The following SLC20A2 variants were observed in gnomAD, a reference collection of about 807,000 sequenced individuals.
SLC20A2 encodes sodium-dependent phosphate transporter 2.
In SLC20A2, 30 loss-of-function variants were observed where a neutral mutation model predicts 61.0. The ratio of observed to expected loss-of-function variants is 0.49; its 90% CI spans 0.37 to 0.67. SLC20A2 has a LOEUF of 0.67. Ranked by LOEUF, SLC20A2 falls within the 30% of genes least tolerant of loss-of-function variation. The pLI is 0.00. For synonymous variants in SLC20A2, 351 were observed against 353.3 expected, an observed-to-expected ratio of 0.99 and a Z score of 0.07; for missense variants, 626 against 866.4, an observed-to-expected ratio of 0.72 and a Z score of 3.48.
intron 1 of SLC20A2, among the ~76,000 whole-genome samples, chr8:42,536,815 T>C (rs902242104): frequency 4.6e-5 from 7 of 152,174 alleles, no homozygotes; most frequent in South Asian, 2.1e-4. Context: ...GGTTCACACC[T>C]GTAATCACAG....
intron 4 of SLC20A2, among the ~76,000 whole-genome samples, chr8:42,460,546 CT>C (rs1271805362): frequency 6.6e-6 from 1 of 152,206 alleles, no homozygotes; most frequent in Non-Finnish European, 1.5e-5. Context: ...ATTTCCGAAT[CT>C]TTTCCCAAGG....
chr8:42,465,925 T>C lies in SLC20A2; in HGVS notation c.290-8A>G. 5 of 1,605,134 alleles carry C rather than the reference T, an allele frequency of 3.1e-6. No homozygotes were observed. The highest frequency in any genetic ancestry group is 2.2e-5 in the East Asian group (1 of 44,792). Reference sequence around the variant, plus strand: ...GCTGCCACACAGCGGAACCTACAGATTGAAGGACAAAAAACCATCAGATAC... The same window carrying C: ...GCTGCCACACAGCGGAACCTACAGACTGAAGGACAAAAAACCATCAGATAC... On this transcript the variant is annotated splice_region_variant and splice_polypyrimidine_tract_variant and intron_variant, in intron 2 of 10. Coordinates refer to ENST00000520262, the MANE Select transcript of SLC20A2 (RefSeq NM_001257180.2).
At chr8:42,462,941 A>G in intron 4 of SLC20A2, 64 bp downstream of exon 4, 3 of 939,220 alleles carry the variant, frequency 3.2e-6, no homozygotes, top group Non-Finnish European at 4.9e-6. Context: ...CTCATTATTA[A>G]TTTCTACTGA....
chr8:42,422,050 T>TGTATA (rs1045216545), intron 10 of SLC20A2, among the ~76,000 whole-genome samples: 4 of 152,062 alleles, frequency 2.6e-5, no homozygotes, highest in African/African-American at 9.7e-5. Flanking sequence ...GAAAGGTTCT[T>TGTATA]GTATAGTATT....
rs549332737 is a variant in SLC20A2 at position 42,506,333 on chromosome 8, A to G, written c.-264-33679T>C. On this transcript the variant is annotated intron_variant, in intron 1 of 10. Transcript: ENST00000342228. ...CCTACTAGCTGTCTGACCTCGAGCA[A>G]TTGAGCTCACCTCTGTGACTTGGCT... 4.6e-5 allele frequency among the ~76,000 whole-genome samples: 7 copies of G among 152,306 alleles called. No homozygotes were observed. The South Asian group carries it at 1.4e-3, about 32-fold the overall frequency.
intron 1 of SLC20A2, among the ~76,000 whole-genome samples, chr8:42,518,459 TTCAGAATCATGTTCA>T (rs1165402093): frequency 2.6e-5 from 4 of 152,188 alleles, no homozygotes; most frequent in Non-Finnish European, 4.4e-5. Flanking sequence ...AAAATCCGGC[TTCAGAATCATGTTCA>T]GAGTTTGAGC....
At chr8:42,518,418 C>CT (rs1274290517) in intron 1 of SLC20A2, among the ~76,000 whole-genome samples, 4 of 152,042 alleles carry the variant, frequency 2.6e-5, no homozygotes, top group African/African-American at 7.2e-5. Flanking sequence ...ATCTATTGAC[C>CT]TGGAGGCATA....
intron 6 of SLC20A2, among the ~76,000 whole-genome samples, chr8:42,441,058 CAA>C (rs1293446890): frequency 6.6e-6 from 1 of 152,058 alleles, no homozygotes; most frequent in African/African-American, 2.4e-5. Flanking sequence ...CTCAGCCTCC[CAA>C]AGTGTTGGGA....
Position 42,451,294 on chromosome 8 carries a change from GAGGAGGAGGAAGAGATA to G in SLC20A2, c.614-6549_614-6533del, listed in dbSNP as rs1805615468. On this transcript the variant is annotated intron_variant, in intron 5 of 10. Transcript: ENST00000520262. ...AGGAGGACAGGGAAGAGAAGAGATGGAGGAGGAGGAAGAGATAAGGAGGAGGAGGAAGAGATGGAGAA... is the reference window on the plus strand; with the variant it reads ...AGGAGGACAGGGAAGAGAAGAGATGGAGGAGGAGGAGGAAGAGATGGAGAA... 2.0e-5 allele frequency among the ~76,000 whole-genome samples: 3 copies of G among 151,616 alleles called. No individual in the cohort carries two copies. The South Asian group carries it at 6.3e-4, about 32-fold the overall frequency.
At chr8:42,488,531 C>T (rs1229238436) in intron 1 of SLC20A2, among the ~76,000 whole-genome samples, 1 of 152,072 alleles carries the variant, frequency 6.6e-6, no homozygotes, top group East Asian at 1.9e-4. Flanking sequence ...CTTTCCAAGA[C>T]CACACTTTCA....
intron 2 of SLC20A2, 80 bp from the exon 3 acceptor site, chr8:42,465,997 CA>C: frequency 8.0e-7 from 1 of 1,253,112 alleles, no homozygotes; most frequent in Non-Finnish European, 1.1e-6. Context: ...AAATGTTTTC[CA>C]TAACAACATC....
At chr8:42,490,736 G>C (rs1809445345) in intron 1 of SLC20A2, among the ~76,000 whole-genome samples, 1 of 152,144 alleles carries the variant, frequency 6.6e-6, no homozygotes, top group African/African-American at 2.4e-5. Context: ...GCAAAAATCA[G>C]GCCCGAGAGA....
intron 1 of SLC20A2, chr8:42,484,906 A>T: frequency 2.4e-6 from 1 of 413,980 alleles, no homozygotes. Context: ...GCTGGCCCTG[A>T]GACAGCAGCA....
chr8:42,453,054 T>C (rs1805870317), intron 5 of SLC20A2, among the ~76,000 whole-genome samples: 1 of 152,174 alleles, frequency 6.6e-6, no homozygotes, highest in South Asian at 2.1e-4. Flanking sequence ...CCTCGGAATC[T>C]GCATCTTGAC....
chr8:42,535,161 A>G (rs965263212), intron 1 of SLC20A2: 8 of 152,294 alleles, frequency 5.3e-5, no homozygotes, highest in Non-Finnish European at 1.2e-4. Flanking sequence ...TTGGCCAGGC[A>G]GTCCACTCAC....
chr8:42,449,901 C>G (rs989259914), intron 5 of SLC20A2, among the ~76,000 whole-genome samples: 9 of 152,198 alleles, frequency 5.9e-5, no homozygotes, highest in African/African-American at 2.2e-4. Flanking sequence ...CCACTATATA[C>G]TATTCTATGC....
chr8:42,540,771 C>G (rs1813058561), intron 1 of SLC20A2: 1 of 152,198 alleles, frequency 6.6e-6, no homozygotes, highest in Non-Finnish European at 1.5e-5. Context: ...GGCCATTTAT[C>G]TGCAAGGTGG....
intron 1 of SLC20A2, among the ~76,000 whole-genome samples, chr8:42,530,094 T>G (rs971082438): frequency 6.6e-6 from 1 of 152,178 alleles, no homozygotes; most frequent in Admixed American, 6.5e-5. Flanking sequence ...GATTTTTTTT[T>G]TCCAAGCCAA....
chr8:42,484,347 G>T (rs1158129771), intron 1 of SLC20A2, among the ~76,000 whole-genome samples: 1 of 152,168 alleles, frequency 6.6e-6, no homozygotes, highest in African/African-American at 2.4e-5. Context: ...GGTAAGTCAG[G>T]TAGAAATTTA....
Sources: allele counts gnomAD v4.1 joint callset (sites outside exome capture counted in the v4.1 genomes callset), GRCh38; gene constraint gnomAD v4.1.1; transcripts MANE v1.5; gene names NCBI Gene and HGNC (gene_info 2026-07-23, HGNC 2026-07-21).